Variants in ARHGAP32 observed in about 807,000 individuals in gnomAD.
ARHGAP32 encodes the protein rho GTPase-activating protein 32.
In ARHGAP32, 51 loss-of-function variants were observed where a neutral mutation model predicts 186.5. That is an observed-to-expected ratio of 0.27 (90% CI 0.22 to 0.35). ARHGAP32 has a LOEUF of 0.35. Ranked by LOEUF, ARHGAP32 falls within the 10% of genes least tolerant of loss-of-function variation. ARHGAP32 has a pLI of 1.00. For synonymous variants in ARHGAP32, 950 were observed against 964.3 expected (o/e 0.99, Z 0.27); for missense variants, 2,186 against 2,623.5 (o/e 0.83, Z 3.64).
At chr11:129,197,065 A>C (rs1288849364), upstream of ARHGAP32, among the ~76,000 whole-genome samples, 1 of 152,168 alleles carries the variant, frequency 6.6e-6, no homozygotes, top group African/African-American at 2.4e-5. Flanking sequence ...TCAAAAAAAA[A>C]TAAAAATACT....
intron 1 of ARHGAP32, among the ~76,000 whole-genome samples, chr11:129,202,486 C>T (rs1944466364): frequency 6.6e-6 from 1 of 151,928 alleles, no homozygotes; most frequent in South Asian, 2.1e-4. Context: ...TATTCTTATA[C>T]TGACCAAGAT....
At chr11:129,027,252 C>T (rs1165945827) in intron 11 of ARHGAP32, among the ~76,000 whole-genome samples, 1 of 152,172 alleles carries the variant, frequency 6.6e-6, no homozygotes, top group Non-Finnish European at 1.5e-5. Flanking sequence ...TCATCTCTCA[C>T]CTGGCTCATT....
intron 1 of ARHGAP32, among the ~76,000 whole-genome samples, chr11:129,236,961 G>C (rs1167491498): frequency 6.6e-6 from 1 of 152,160 alleles, no homozygotes; most frequent in Non-Finnish European, 1.5e-5. Flanking sequence ...ATCATAAAGG[G>C]ATGCTGGATT....
At chr11:129,210,213 T>C (rs1445280570) in intron 1 of ARHGAP32, among the ~76,000 whole-genome samples, 1 of 152,164 alleles carries the variant, frequency 6.6e-6, no homozygotes, top group Non-Finnish European at 1.5e-5. Context: ...ACTATTAGCA[T>C]TTACCGGGAT....
chr11:128,995,378 G>T (rs576588735), intron 12 of ARHGAP32, among the ~76,000 whole-genome samples: 47 of 152,102 alleles, frequency 3.1e-4, no homozygotes, highest in Non-Finnish European at 6.3e-4. Flanking sequence ...AGCTCGTTTT[G>T]TATTTTTTTC....
chr11:129,121,245 G>C (rs1169214937), intron 5 of ARHGAP32, among the ~76,000 whole-genome samples: 1 of 151,798 alleles, frequency 6.6e-6, no homozygotes, highest in Non-Finnish European at 1.5e-5. Context: ...TAGCCAAAGA[G>C]AGAACAGCAA....
At chr11:129,168,661 T>C (rs1943688973) in intron 1 of ARHGAP32, among the ~76,000 whole-genome samples, 1 of 152,160 alleles carries the variant, frequency 6.6e-6, no homozygotes, top group Non-Finnish European at 1.5e-5. Flanking sequence ...TTTTCCAATG[T>C]GAACTAACAC....
chr11:129,271,958 G>A (rs2135728577), intron 1 of ARHGAP32, among the ~76,000 whole-genome samples: 1 of 152,250 alleles, frequency 6.6e-6, no homozygotes, highest in East Asian at 1.9e-4. Flanking sequence ...GGTGGCTGAT[G>A]ATGCCACTTA....
chr11:129,025,025 T>C (rs1938774247), intron 11 of ARHGAP32, among the ~76,000 whole-genome samples: 1 of 152,224 alleles, frequency 6.6e-6, no homozygotes, highest in Admixed American at 6.5e-5. Context: ...TCCATTCCAA[T>C]GACTTTTTAC....
intron 11 of ARHGAP32, among the ~76,000 whole-genome samples, chr11:129,005,394 T>C (rs1231052577): frequency 6.6e-6 from 1 of 152,208 alleles, no homozygotes; most frequent in Non-Finnish European, 1.5e-5. Flanking sequence ...TGTCGTTTTC[T>C]TTCTGACTGA....
chr11:129,067,357 T>A (rs1004171900), intron 6 of ARHGAP32, among the ~76,000 whole-genome samples: 1 of 152,104 alleles, frequency 6.6e-6, no homozygotes, highest in Non-Finnish European at 1.5e-5. Flanking sequence ...TCTAGAAACC[T>A]CAGCTCTCCC....
chr11:129,192,895 T>C (rs1185120439), upstream of ARHGAP32, among the ~76,000 whole-genome samples: 1 of 152,120 alleles, frequency 6.6e-6, no homozygotes, highest in African/African-American at 2.4e-5. Context: ...TCACATCAAA[T>C]AAAAGCATGC....
At chr11:128,993,309 A>C (rs1386179496) in intron 12 of ARHGAP32, 2 of 152,154 alleles carry the variant, frequency 1.3e-5, no homozygotes, top group Admixed American at 6.5e-5. Flanking sequence ...GTATTGTTCA[A>C]ATTTTAGTAT....
intron 2 of ARHGAP32, among the ~76,000 whole-genome samples, chr11:129,155,860 T>C (rs1434618038): frequency 2.0e-5 from 3 of 152,038 alleles, no homozygotes; most frequent in Admixed American, 1.3e-4. Context: ...TCTCTGCATT[T>C]ACAACTGCAG....
intron 1 of ARHGAP32, among the ~76,000 whole-genome samples, chr11:129,248,425 A>C (rs1945133454): frequency 1.3e-5 from 2 of 152,144 alleles, no homozygotes; most frequent in South Asian, 4.1e-4. Flanking sequence ...AAATTTTAAA[A>C]ATTTACTCTT....
At chr11:129,129,707 A>T (rs1394458748) in intron 2 of ARHGAP32, among the ~76,000 whole-genome samples, 1 of 152,230 alleles carries the variant, frequency 6.6e-6, no homozygotes, top group Non-Finnish European at 1.5e-5. Context: ...TTACTGTTTG[A>T]AGCACACTGC....
intron 1 of ARHGAP32, among the ~76,000 whole-genome samples, chr11:129,168,532 G>C (rs1366587162): frequency 6.6e-6 from 1 of 152,106 alleles, no homozygotes; most frequent in East Asian, 1.9e-4. Flanking sequence ...AATACATAAA[G>C]TTGAAAGAAC....
At chr11:129,033,769 G>C (rs1939210246) in intron 11 of ARHGAP32, among the ~76,000 whole-genome samples, 1 of 152,130 alleles carries the variant, frequency 6.6e-6, no homozygotes, top group Admixed American at 6.5e-5. Context: ...GTTAAATAAG[G>C]ATCAGGCTTC....
chr11:129,157,681 C>T (rs575694914), intron 2 of ARHGAP32, among the ~76,000 whole-genome samples: 2 of 152,182 alleles, frequency 1.3e-5, no homozygotes, highest in South Asian at 4.2e-4. Flanking sequence ...GGAGAACTTC[C>T]CCAACCTAGC....
Sources: gnomAD v4.1 joint callset for allele counts (sites outside exome capture counted in the v4.1 genomes callset) on GRCh38, gnomAD v4.1.1 for gene constraint, MANE v1.5 for transcripts, NCBI Gene and HGNC (gene_info 2026-07-23, HGNC 2026-07-21) for gene names.